WDR88: variants seen among roughly 807,000 people sequenced by gnomAD.
The protein encoded by WDR88 is WD repeat-containing protein 88.
Under a neutral mutation model 46.8 loss-of-function variants are expected in WDR88, and 40 were observed. The ratio of observed to expected loss-of-function variants is 0.86; its 90% CI spans 0.66 to 1.11. The LOEUF (loss-of-function observed/expected upper bound fraction) is 1.11. WDR88 is among the 50% of genes most tolerant of loss of function. The pLI, the probability that WDR88 is intolerant of heterozygous loss-of-function variation, is 0.00. For synonymous variants in WDR88, 235 were observed against 240.7 expected, an observed-to-expected ratio of 0.98 and a Z score of 0.22; for missense variants, 562 against 602.4, an observed-to-expected ratio of 0.93 and a Z score of 0.70.
At chr19:33,148,586 G>C (rs562036103) in intron 4 of WDR88, among the ~76,000 whole-genome samples, 186 bp from the exon 5 acceptor site, 1 of 152,116 alleles carries the variant, frequency 6.6e-6, no homozygotes, top group African/African-American at 2.4e-5. Context: ...GACTACAGGC[G>C]AGCACCGCCA....
At chr19:33,132,535 C>A in intron 1 of WDR88, 90 bp downstream of exon 1, 1 of 1,529,230 alleles carries the variant, frequency 6.5e-7, no homozygotes, top group East Asian at 2.3e-5. Context: ...ATGGAAAACC[C>A]ACCTGGCTTC....
At position 33,132,350 on chromosome 19, in the gene WDR88, CT is replaced by C. The variant is rs757106391; in HGVS notation, c.182del (p.Leu61ArgfsTer22). ...GCACCTGCTGGCCACCCTCGACCCC[CT>C]GGCCTTGGACAGGGAACCACCACCG... ...HTHLLATLDP[L>X]ALDREPPPHL... On this transcript the variant is annotated frameshift_variant, in exon 1 of 11. Coordinates refer to ENST00000355868, the MANE Select transcript of WDR88 (RefSeq NM_173479.4). LOFTEE classifies it high-confidence loss of function. 12 of 1,613,978 alleles carry C rather than the reference CT, an allele frequency of 7.4e-6. No homozygotes were observed. The African/African-American group carries it at 1.3e-4, about 18-fold the overall frequency.
At chr19:33,144,704 C>A in intron 2 of WDR88, 140 bp from the exon 3 acceptor site, 2 of 730,100 alleles carry the variant, frequency 2.7e-6, no homozygotes, top group South Asian at 1.6e-5. Flanking sequence ...TCTTTCGGAG[C>A]TGAGTGAGAG....
At chr19:33,134,840 A>ACCCCCCCCCCC in intron 1 of WDR88, among the ~76,000 whole-genome samples, 438 of 62,350 alleles carry the variant, frequency 7.0e-3, no homozygotes, top group African/African-American at 8.6e-3. Flanking sequence ...CGTCCCCGAC[A>ACCCCCCCCCCC]CCCCCCCCCC....
chr19:33,170,833 G>A (rs1974026536), intron 9 of WDR88, among the ~76,000 whole-genome samples: 1 of 152,062 alleles, frequency 6.6e-6, no homozygotes, highest in African/African-American at 2.4e-5. Context: ...CTGCACTCGG[G>A]CCTGGGTGAC....
chr19:33,144,676 T>C (rs1390887822), intron 2 of WDR88, among the ~76,000 whole-genome samples, 168 bp from the exon 3 acceptor site: 1 of 152,196 alleles, frequency 6.6e-6, no homozygotes, highest in Non-Finnish European at 1.5e-5. Context: ...GGGACGGACA[T>C]GTTGCAAAGT....
At chr19:33,155,453 A>G (rs1042841211) in intron 6 of WDR88, among the ~76,000 whole-genome samples, 1 of 152,146 alleles carries the variant, frequency 6.6e-6, no homozygotes, top group African/African-American at 2.4e-5. Flanking sequence ...ATAACCCACA[A>G]TTTTATTAAT....
intron 9 of WDR88, among the ~76,000 whole-genome samples, chr19:33,166,902 C>A (rs1364831465): frequency 2.6e-5 from 4 of 151,940 alleles, no homozygotes; most frequent in East Asian, 1.9e-4. Flanking sequence ...GGTGACAGAG[C>A]TAGACCCTGT....
At position 33,132,265 on chromosome 19, in the gene WDR88, G is replaced by C; in HGVS notation, c.96G>C (p.Lys32Asn). The change falls in exon 1 of 11, where the codon AAG becomes AAC. Residue 32 changes from lysine to asparagine, a missense_variant. By Grantham distance (94) the Lys-to-Asn change is moderately conservative. Transcript: ENST00000355868. ...CCGCCAGCGAGTATTGTCCCGGCAA[G>C]CTGTCCTGGGGGACCATGGCGAGGG... The part of the protein sequence containing the change: ...SAPASEYCPG[K>N]LSWGTMARAL... The C allele has an allele frequency of 6.2e-7, 1 of 1,613,278 alleles. No individual in the cohort carries two copies. The highest frequency in any genetic ancestry group is 8.5e-7 in the Non-Finnish European group (1 of 1,179,982).
At chr19:33,174,226 C>A (rs1250729180) in intron 10 of WDR88, 1 of 1,536,382 alleles carries the variant, frequency 6.5e-7, no homozygotes, top group Admixed American at 2.0e-5. Context: ...GATGAGCCTG[C>A]TGCATTTGAC....
chr19:33,166,644 G>A (rs1973958928), intron 9 of WDR88, among the ~76,000 whole-genome samples: 1 of 151,724 alleles, frequency 6.6e-6, no homozygotes, highest in South Asian at 2.1e-4. Flanking sequence ...AGGCGCAGTG[G>A]CTCATGCCTG....
intron 6 of WDR88, among the ~76,000 whole-genome samples, chr19:33,155,250 C>T (rs147872338): frequency 0.081 from 12,274 of 152,136 alleles, 770 homozygotes; most frequent in Admixed American, 0.2. Context: ...AAGTGATTCT[C>T]CTGCCTCAGC....
chr19:33,152,633 G>A (rs1050699383), intron 6 of WDR88, among the ~76,000 whole-genome samples: 9 of 151,824 alleles, frequency 5.9e-5, no homozygotes, highest in Admixed American at 3.3e-4. Context: ...ACTTAGTCTC[G>A]CTATGTCCCC....
At chr19:33,146,482 T>C (rs1039237566) in intron 3 of WDR88, among the ~76,000 whole-genome samples, 9 of 86,556 alleles carry the variant, frequency 1.0e-4, no homozygotes, top group South Asian at 5.8e-4. Context: ...CTTCCTTCCT[T>C]CCTTCCTTCC....
chr19:33,174,475 C>T, intron 10 of WDR88: 1 of 985,434 alleles, frequency 1.0e-6, no homozygotes, highest in Non-Finnish European at 1.2e-6. Context: ...GACCTCATCC[C>T]ATGGCACTCT....
At chr19:33,175,359 C>T (rs775198864) in intron 10 of WDR88, 37 bp from the exon 11 acceptor site, 4 of 1,605,096 alleles carry the variant, frequency 2.5e-6, no homozygotes, top group African/African-American at 1.3e-5. Flanking sequence ...CTCTGACCAG[C>T]ACCTCCTTTC....
chr19:33,141,791 C>T (rs1223549660), intron 2 of WDR88, among the ~76,000 whole-genome samples: 1 of 152,160 alleles, frequency 6.6e-6, no homozygotes, highest in Non-Finnish European at 1.5e-5. Flanking sequence ...AGCGATTCTC[C>T]TGCCTCAGCC....
intron 10 of WDR88, 139 bp from the exon 11 acceptor site, chr19:33,175,257 A>C: frequency 9.7e-7 from 1 of 1,031,538 alleles, no homozygotes; most frequent in Non-Finnish European, 1.4e-6. Flanking sequence ...AAAAACAAAC[A>C]AACAAACCAA....
chr19:33,166,789 G>A (rs1470471929), intron 9 of WDR88, among the ~76,000 whole-genome samples: 2 of 150,374 alleles, frequency 1.3e-5, no homozygotes, highest in Non-Finnish European at 1.5e-5. Flanking sequence ...GCGCACACCT[G>A]TAGTTCCAGC....
Sources: allele counts gnomAD v4.1 joint callset (sites outside exome capture counted in the v4.1 genomes callset), GRCh38; gene constraint gnomAD v4.1.1; transcripts MANE v1.5; gene names NCBI Gene and HGNC (gene_info 2026-07-23, HGNC 2026-07-21).